TRIM71: variants seen among roughly 807,000 people sequenced by gnomAD.
TRIM71 encodes the protein E3 ubiquitin-protein ligase TRIM71.
In TRIM71, 9 loss-of-function variants were observed where a neutral mutation model predicts 61.2. The ratio of observed to expected loss-of-function variants is 0.15; its 90% CI spans 0.09 to 0.26. The LOEUF is 0.26. TRIM71 is among the 10% of genes least tolerant of loss of function. The pLI, the probability that TRIM71 is intolerant of heterozygous loss-of-function variation, is 1.00. For missense variants in TRIM71, 998 were observed against 1,238.7 expected (o/e 0.81, Z 2.92); for synonymous variants, 645 against 553.2 (o/e 1.17, Z -2.33).
Position 32,890,250 on chromosome 3 carries a change from C to G in TRIM71, c.1156-110C>G. Reference sequence around the variant, plus strand: ...CAGATGTCTTTTGTAGACCATCCCACAATATGTGTTTGTCTGATGCTTCCT... The same window carrying G: ...CAGATGTCTTTTGTAGACCATCCCAGAATATGTGTTTGTCTGATGCTTCCT... On this transcript the variant is annotated intron_variant, in intron 3 of 3. Transcript: ENST00000383763. The surrounding 1 kb of genome is among the most constrained non-coding windows in gnomAD (Gnocchi z 6.2). 1 of 1,411,086 alleles carries G rather than the reference C, an allele frequency of 7.1e-7. No individual in the cohort carries two copies. The highest frequency in any genetic ancestry group is 9.6e-7 in the Non-Finnish European group (1 of 1,044,796). The allele number at this position is 1,411,086 out of a possible 1,614,324, so 87.4% of individuals were successfully genotyped here.
At chr3:32,822,196 G>A (rs1456280664) in intron 1 of TRIM71, among the ~76,000 whole-genome samples, 1 of 152,134 alleles carries the variant, frequency 6.6e-6, no homozygotes, top group African/African-American at 2.4e-5. Flanking sequence ...TAGCGGTGAG[G>A]GGCAGTGGGG....
chr3:32,873,063 TCCTCCCTCCCTCCCTCCCTC>T lies in TRIM71; in HGVS notation c.853-740_853-721del, dbSNP rs1300698001. ...AGGTTGTGCCAGCCCTTCTCTCTCT[TCCTCCCTCCCTCCCTCCCTC>T]CCTCCCTCCCTCCCAGCGTGCTGGG... On this transcript the variant is annotated intron_variant, in intron 1 of 3. Transcript: ENST00000383763. Among the ~76,000 whole-genome samples the T allele has an allele frequency of 1.5e-3, 123 of 83,626 alleles. 1 individual carries two copies. Among genetic ancestry groups the T allele is most frequent in the African/African-American group, 5.4e-3 (117 of 21,646 alleles). 54.9% of individuals were successfully genotyped at this position (83,626 alleles called of 152,430 possible).
At position 32,818,237 on chromosome 3, in the gene TRIM71, G is replaced by A. The variant is rs766214514; in HGVS notation, c.157G>A (p.Ala53Thr). 4 of 1,494,446 alleles carry A rather than the reference G, an allele frequency of 2.7e-6. No individual in the cohort carries two copies. The highest frequency in any genetic ancestry group is 2.0e-4 in the Middle Eastern group (1 of 5,112). The allele number at this position is 1,494,446 out of a possible 1,614,324, so 92.6% of individuals were successfully genotyped here. A position where few individuals can be genotyped will look rare whatever the true frequency, so the allele number is the denominator to read the frequency against. ...GGGGGGPGAAARRLHVLPCLH... is the reference protein window; with the variant it reads ...GGGGGGPGAATRRLHVLPCLH... ...CGGCGGCGGGGGCCCTGGGGCGGCG[G>A]CGCGCCGCCTACACGTCCTGCCCTG... Residue 53 changes from alanine (A) to threonine (T), a missense_variant, in exon 1 of 4, where the codon GCG becomes ACG. Physicochemically the swap from Ala to Thr is moderately conservative, Grantham distance 58. Coordinates refer to ENST00000383763, the MANE Select transcript of TRIM71 (RefSeq NM_001039111.3).
intron 1 of TRIM71, among the ~76,000 whole-genome samples, chr3:32,832,801 G>T (rs763454219): frequency 4.5e-4 from 68 of 152,052 alleles, no homozygotes; most frequent in Non-Finnish European, 9.1e-4. Context: ...CCCTTCCTAG[G>T]GGGTGGACGA....
At chr3:32,875,186 G>A (rs1696841570) in intron 2 of TRIM71, among the ~76,000 whole-genome samples, 1 of 152,222 alleles carries the variant, frequency 6.6e-6, no homozygotes, top group African/African-American at 2.4e-5. Flanking sequence ...AAATTAGTGA[G>A]CAGAATGTTA....
At chr3:32,869,722 C>T (rs867756215) in intron 1 of TRIM71, among the ~76,000 whole-genome samples, 1 of 152,192 alleles carries the variant, frequency 6.6e-6, no homozygotes, top group South Asian at 2.1e-4. Flanking sequence ...GCTCACATTC[C>T]TAGGTCTTTG....
At chr3:32,838,270 CTGGAGTGCAGTGGTG>C (rs1395261642) in intron 1 of TRIM71, among the ~76,000 whole-genome samples, 1 of 152,148 alleles carries the variant, frequency 6.6e-6, no homozygotes, top group African/African-American at 2.4e-5. Context: ...GTTGCCCAGG[CTGGAGTGCAGTGGTG>C]TGAGCTCCGG....
Position 32,881,016 on chromosome 3 carries a change from T to C in TRIM71, c.1021-4918T>C, listed in dbSNP as rs561461278. Among the ~76,000 whole-genome samples the C allele has an allele frequency of 2.0e-3, 302 of 151,624 alleles. 2 individuals are homozygous for C. Among genetic ancestry groups the C allele is most frequent in the Non-Finnish European group, 1.8e-3 (125 of 68,000 alleles). ...AAAGATGTGATGAAAATTTTATATA[T>C]GTATATATATATATTTTTTTGAGGT... On this transcript the variant is annotated intron_variant, in intron 2 of 3. Coordinates refer to ENST00000383763, the MANE Select transcript of TRIM71 (RefSeq NM_001039111.3).
At chr3:32,857,300 TC>T (rs1696616515) in intron 1 of TRIM71, among the ~76,000 whole-genome samples, 2 of 152,252 alleles carry the variant, frequency 1.3e-5, no homozygotes, top group African/African-American at 4.8e-5. Flanking sequence ...TGTCCCATTC[TC>T]CCTGAGAAGC....
At chr3:32,829,922 A>AT (rs11327826) in intron 1 of TRIM71, among the ~76,000 whole-genome samples, 3,444 of 109,354 alleles carry the variant, frequency 0.031, 96 homozygotes, top group African/African-American at 0.064. Context: ...TACTGCCTGA[A>AT]TTTTTTTTTT....
intron 1 of TRIM71, among the ~76,000 whole-genome samples, chr3:32,828,430 G>C (rs13078069): frequency 5.9e-5 from 9 of 151,598 alleles, no homozygotes; most frequent in South Asian, 2.1e-4. Flanking sequence ...AACTCTTTGC[G>C]GTGTTGTAAG....
chr3:32,818,010 C>A lies in TRIM71; in HGVS notation c.-71C>A. Reference sequence around the variant, plus strand: ...AGTGAGTCGGTGACTCCCCCACCCACCTCGTCCGCTCTCTCCTCCTCCTCC... The same window carrying A: ...AGTGAGTCGGTGACTCCCCCACCCAACTCGTCCGCTCTCTCCTCCTCCTCC... On this transcript the variant is annotated 5_prime_UTR_variant, in exon 1 of 4. Transcript: ENST00000383763. 6.9e-7 allele frequency: 1 copy of A among 1,457,636 alleles called. No individual in the cohort carries two copies. Among genetic ancestry groups the A allele is most frequent in the East Asian group, 2.4e-5 (1 of 41,228 alleles). The allele number at this position is 1,457,636 out of a possible 1,614,324, so 90.3% of individuals were successfully genotyped here.
chr3:32,852,602 T>C (rs114495110), intron 1 of TRIM71, among the ~76,000 whole-genome samples: 21 of 152,168 alleles, frequency 1.4e-4, no homozygotes, highest in African/African-American at 5.1e-4. Context: ...CTGTAGGGGA[T>C]AGGGAGCCAT....
intron 1 of TRIM71, among the ~76,000 whole-genome samples, chr3:32,838,556 G>T (rs1205510415): frequency 2.0e-5 from 3 of 150,822 alleles, no homozygotes; most frequent in Non-Finnish European, 4.4e-5. Context: ...AGCATTTTAG[G>T]GGCATGCAGT....
chr3:32,856,392 C>T (rs1048296885), intron 1 of TRIM71, among the ~76,000 whole-genome samples: 7 of 152,124 alleles, frequency 4.6e-5, no homozygotes, highest in Admixed American at 3.3e-4. Context: ...TAAGACTTGA[C>T]TTCTCCTCCT....
chr3:32,822,707 T>C (rs1217685577), intron 1 of TRIM71, among the ~76,000 whole-genome samples: 1 of 152,200 alleles, frequency 6.6e-6, no homozygotes, highest in Non-Finnish European at 1.5e-5. Flanking sequence ...CCAAAATATT[T>C]TTAAAAGCAT....
intron 1 of TRIM71, among the ~76,000 whole-genome samples, chr3:32,872,504 G>A (rs1238668324): frequency 1.3e-5 from 2 of 152,096 alleles, no homozygotes; most frequent in African/African-American, 4.8e-5. Context: ...GGAGCTCTCC[G>A]CCTAAGAAAA....
At position 32,891,283 on chromosome 3, in the gene TRIM71, A is replaced by G. The variant is rs1349867350; in HGVS notation, c.2079A>G (p.Lys693=). 2 of 1,613,856 alleles carry G rather than the reference A, an allele frequency of 1.2e-6. No homozygotes were observed. The highest frequency in any genetic ancestry group is 1.3e-5 in the African/African-American group (1 of 74,934). ...AGTTCCTCCTCAAGTTTGGTGAGAA[A>G]GGAACCAAGAATGGGCAGTTCAACT... ...EGQFLLKFGE[K]GTKNGQFNYP... Residue 693 remains lysine (K), a synonymous_variant, in exon 4 of 4, where the codon AAA becomes AAG. Coordinates refer to ENST00000383763, the MANE Select transcript of TRIM71 (RefSeq NM_001039111.3). This position sits in a 1 kb window ranked among gnomAD's most constrained non-coding sequence, Gnocchi z 8.2.
intron 1 of TRIM71, among the ~76,000 whole-genome samples, chr3:32,847,954 A>T (rs1696494187): frequency 6.6e-6 from 1 of 152,212 alleles, no homozygotes; most frequent in Non-Finnish European, 1.5e-5. Context: ...CTAGATATTC[A>T]TAACCAATCT....
Sources: gnomAD v4.1 joint callset for allele counts (sites outside exome capture counted in the v4.1 genomes callset) on GRCh38, gnomAD v4.1.1 for gene constraint, Gnocchi (gnomAD v3.1) non-coding constraint, MANE v1.5 for transcripts, NCBI Gene and HGNC (gene_info 2026-07-23, HGNC 2026-07-21) for gene names.